The following SPRY4 variants were observed in gnomAD, a reference collection of about 807,000 sequenced individuals.
SPRY4 encodes sprouty RTK signaling antagonist 4.
SPRY4 carries 7 observed loss-of-function variants against 17.0 expected under a neutral mutation model. The ratio of observed to expected loss-of-function variants is 0.41; its 90% CI spans 0.23 to 0.77. SPRY4 has a LOEUF of 0.77. Among genes scored for constraint, SPRY4 ranks in the 30% least tolerant of loss-of-function variants. The pLI is 0.32. For synonymous variants in SPRY4, 183 were observed against 174.1 expected (o/e 1.05, Z -0.40); for missense variants, 435 against 419.9 (o/e 1.04, Z -0.31).
intron 1 of SPRY4, chr5:142,324,336 A>G (rs1759459675): frequency 6.6e-6 from 1 of 152,258 alleles, no homozygotes; most frequent in African/African-American, 2.4e-5. Flanking sequence ...GAGAAAGAAA[A>G]AATCTACGTC....
chr5:142,319,922 GT>G, intron 1 of SPRY4: 1 of 846,970 alleles, frequency 1.2e-6, no homozygotes, highest in Non-Finnish European at 1.7e-6. Flanking sequence ...AAACCTGACA[GT>G]TGTACTTTGA....
chr5:142,315,430 G>C, intron 1 of SPRY4: 1 of 390,558 alleles, frequency 2.6e-6, no homozygotes, highest in Non-Finnish European at 4.6e-6. Context: ...AGCCTAAAAC[G>C]TAACTACTAT....
At chr5:142,318,565 A>G (rs1383640772) in intron 1 of SPRY4, among the ~76,000 whole-genome samples, 3 of 152,194 alleles carry the variant, frequency 2.0e-5, no homozygotes, top group Non-Finnish European at 4.4e-5. Flanking sequence ...TCACTGAGAA[A>G]CACCCACCCT....
At chr5:142,320,860 C>T (rs572207499) in intron 1 of SPRY4, among the ~76,000 whole-genome samples, 1 of 152,276 alleles carries the variant, frequency 6.6e-6, no homozygotes, top group East Asian at 1.9e-4. Context: ...ATGACTTCCC[C>T]TTCCCCCAAC....
chr5:142,319,895 G>A (rs1294040017), intron 1 of SPRY4: 5 of 1,153,734 alleles, frequency 4.3e-6, no homozygotes, highest in Non-Finnish European at 5.9e-6. Flanking sequence ...AGGGAGGTGA[G>A]TTGGGAAATA....
rs1274747226 is a variant in SPRY4 at position 142,324,923 on chromosome 5, C to G, written c.-127G>C. On this transcript the variant is annotated 5_prime_UTR_variant, in exon 1 of 2. Coordinates refer to ENST00000434127, the MANE Select transcript of SPRY4 (RefSeq NM_001127496.3). ...CCGGGGCAGGTTAGCCGCCGCTGTACTCGCAGACGCCGGTCGGAGGAACCG... is the reference window on the plus strand; with the variant it reads ...CCGGGGCAGGTTAGCCGCCGCTGTAGTCGCAGACGCCGGTCGGAGGAACCG... The G allele has an allele frequency of 1.3e-5, 2 of 152,710 alleles. No homozygotes were observed. The highest frequency in any genetic ancestry group is 1.5e-5 in the Non-Finnish European group (1 of 68,076). The allele number at this position is 152,710 out of a possible 1,614,324, so 9.5% of individuals were successfully genotyped here.
chr5:142,319,640 T>A, intron 1 of SPRY4: 2 of 1,463,610 alleles, frequency 1.4e-6, no homozygotes, highest in Admixed American at 2.0e-5. Context: ...GAATACTGAA[T>A]CAGCAGGATA....
Position 142,312,019 on chromosome 5 carries a change from A to G in SPRY4, c.*2190T>C, listed in dbSNP as rs560172146. ...AACGGGTGTGTAGACCACCAAGATC[A>G]CCAAAGTGCAACTTGCCACTGGGTC... On this transcript the variant is annotated 3_prime_UTR_variant, in exon 2 of 2. Transcript: ENST00000434127. 1 of 151,394 alleles carries G rather than the reference A, an allele frequency of 6.6e-6. No individual in the cohort carries two copies. Among genetic ancestry groups the G allele is most frequent in the Admixed American group, 6.6e-5 (1 of 15,084 alleles). The allele number at this position is 151,394 out of a possible 1,614,324, so 9.4% of individuals were successfully genotyped here.
chr5:142,323,595 T>C (rs1002483009), intron 1 of SPRY4, among the ~76,000 whole-genome samples: 5 of 152,144 alleles, frequency 3.3e-5, no homozygotes, highest in African/African-American at 4.8e-5. Flanking sequence ...CTCCAGCCCA[T>C]TTCGCCTCTC....
At chr5:142,317,358 G>A (rs1418920040) in intron 1 of SPRY4, 8 of 985,462 alleles carry the variant, frequency 8.1e-6, no homozygotes, top group Non-Finnish European at 9.6e-6. Context: ...AGGAAAGGGT[G>A]TGGCTTGGCC....
In SPRY4 at chr5:142,318,197, AAAG is replaced by A. The variant is rs1759224548; in HGVS notation, c.-47-3045_-47-3043del. On this transcript the variant is annotated intron_variant, in intron 1 of 1. Coordinates refer to ENST00000434127, the MANE Select transcript of SPRY4 (RefSeq NM_001127496.3). ...AAAAAAAGAAAGAAAAAAAGAAAAG[AAAG>A]AAGGCCTGGCGCAGTGGCTCATGCC... 4.1e-6 allele frequency: 4 copies of A among 984,906 alleles called. No homozygotes were observed. The South Asian group carries it at 1.4e-4, about 35-fold the overall frequency. The allele number at this position is 984,906 out of a possible 1,614,324, so 61.0% of individuals were successfully genotyped here.
chr5:142,318,430 G>A (rs1759233038), intron 1 of SPRY4, among the ~76,000 whole-genome samples: 1 of 151,544 alleles, frequency 6.6e-6, no homozygotes, highest in Non-Finnish European at 1.5e-5. Context: ...AGGTTGCTGT[G>A]AGCCAATATC....
intron 1 of SPRY4, among the ~76,000 whole-genome samples, chr5:142,319,110 A>G (rs150540465): frequency 3.3e-4 from 50 of 152,310 alleles, no homozygotes; most frequent in African/African-American, 1.2e-3. Context: ...CTCAGCCCTG[A>G]CTTACAAAAG....
rs1016469659 is a variant in SPRY4, at chr5:142,314,540, G to A, written c.569C>T (p.Ala190Val). Residue 190 changes from alanine to valine, a missense_variant, in exon 2 of 2, where the codon GCC becomes GTC. Transcript: ENST00000434127. This position sits in a 1 kb window ranked among gnomAD's most constrained non-coding sequence, Gnocchi z 4.8. ...CGTGCCATAGTTGACCAGAGTCTGG[G>A]CTGAGCACAGGCACTCCTGGTTGCA... is the stretch of plus-strand genomic sequence containing the variant. ...WVCNQECLCSAQTLVNYGTCM... is the reference protein window; with the variant it reads ...WVCNQECLCSVQTLVNYGTCM... The A allele has an allele frequency of 2.5e-6, 4 of 1,614,128 alleles. No individual in the cohort carries two copies. The African/African-American group carries it at 4.0e-5, about 16-fold the overall frequency.
intron 1 of SPRY4, chr5:142,319,764 A>G: frequency 6.2e-7 from 1 of 1,612,560 alleles, no homozygotes; most frequent in Non-Finnish European, 8.5e-7. Context: ...GGGGCTGAGC[A>G]TCAGGCTGCA....
At position 142,314,536 on chromosome 5, in the gene SPRY4, C is replaced by G. The variant is rs943397267; in HGVS notation, c.573G>C (p.Gln191His). 1 of 1,614,238 alleles carries G rather than the reference C, an allele frequency of 6.2e-7. No homozygotes were observed. Among genetic ancestry groups the G allele is most frequent in the Non-Finnish European group, 8.5e-7 (1 of 1,180,042 alleles). The stretch of plus-strand genomic sequence containing the variant: ...TGCACGTGCCATAGTTGACCAGAGT[C>G]TGGGCTGAGCACAGGCACTCCTGGT... ...VCNQECLCSA[Q>H]TLVNYGTCMC... Residue 191 changes from glutamine (Q) to histidine (H), a missense_variant, in exon 2 of 2, where the codon CAG (glutamine) becomes CAC (histidine). Physicochemically the swap from Gln to His is conservative, Grantham distance 24 (BLOSUM62 0). Coordinates refer to ENST00000434127, the MANE Select transcript of SPRY4 (RefSeq NM_001127496.3). This position sits in a 1 kb window ranked among gnomAD's most constrained non-coding sequence, Gnocchi z 4.8.
intron 1 of SPRY4, among the ~76,000 whole-genome samples, chr5:142,318,666 A>C (rs2126995814): frequency 6.6e-6 from 1 of 152,266 alleles, no homozygotes; most frequent in South Asian, 2.1e-4. Context: ...TAATATAAAT[A>C]AGAGAGAGGA....
Position 142,317,462 on chromosome 5 carries a change from C to T in SPRY4, c.-47-2307G>A, listed in dbSNP as rs1027679481. The T allele has an allele frequency of 3.7e-5, 36 of 985,296 alleles. No individual in the cohort carries two copies. The South Asian group carries it at 1.0e-3, about 28-fold the overall frequency. 61.0% of individuals were successfully genotyped at this position (985,296 alleles called of 1,614,324 possible). A position where few individuals can be genotyped will look rare whatever the true frequency, so the allele number is the denominator to read the frequency against. On this transcript the variant is annotated intron_variant, in intron 1 of 1. Coordinates refer to ENST00000434127, the MANE Select transcript of SPRY4 (RefSeq NM_001127496.3). ...AACATGAGTCCCTTGTTCCAGAAACCGATGTCAGGAATATTCAGGGTCCTG... is the reference window on the plus strand; with the variant it reads ...AACATGAGTCCCTTGTTCCAGAAACTGATGTCAGGAATATTCAGGGTCCTG...
At chr5:142,318,488 GA>G (rs1050418231) in intron 1 of SPRY4, among the ~76,000 whole-genome samples, 120 of 134,038 alleles carry the variant, frequency 9.0e-4, no homozygotes, top group African/African-American at 2.3e-3. Flanking sequence ...TGAGTCTCAA[GA>G]AAAAAAAAAA....
Sources: gnomAD v4.1 joint callset for allele counts (sites outside exome capture counted in the v4.1 genomes callset) on GRCh38, gnomAD v4.1.1 for gene constraint, Gnocchi (gnomAD v3.1) non-coding constraint, MANE v1.5 for transcripts, NCBI Gene and HGNC (gene_info 2026-07-23, HGNC 2026-07-21) for gene names.